PRDM11: variants seen among roughly 807,000 people sequenced by gnomAD.
The protein encoded by PRDM11 is PR/SET domain 11.
A neutral mutation model predicts 97.8 loss-of-function variants in PRDM11; 20 were observed. The ratio of observed to expected loss-of-function variants is 0.20; its 90% CI spans 0.14 to 0.30. PRDM11 has a LOEUF of 0.30. Among genes scored for constraint, PRDM11 ranks in the 10% least tolerant of loss-of-function variants. PRDM11 has a pLI of 1.00. For synonymous variants in PRDM11, 599 were observed against 637.7 expected (o/e 0.94, Z 0.91); for missense variants, 1,139 against 1,555.2 (o/e 0.73, Z 4.50).
chr11:45,216,543 C>T (rs1231974945), intron 5 of PRDM11, among the ~76,000 whole-genome samples: 1 of 152,192 alleles, frequency 6.6e-6, no homozygotes, highest in African/African-American at 2.4e-5. Flanking sequence ...TCAGAGGTAA[C>T]AGGTCTGGGG....
chr11:45,187,192 G>A (rs1420248456), intron 4 of PRDM11, among the ~76,000 whole-genome samples: 7 of 152,318 alleles, frequency 4.6e-5, no homozygotes, highest in Non-Finnish European at 7.3e-5. Context: ...CTTGGTGATC[G>A]CAGTGCTGCA....
At chr11:45,160,133 C>G (rs149060879) in intron 1 of PRDM11, among the ~76,000 whole-genome samples, 7 of 152,126 alleles carry the variant, frequency 4.6e-5, no homozygotes, top group Non-Finnish European at 7.4e-5. Context: ...CTGGGGCTCC[C>G]GAGGTTCAGA....
chr11:45,181,829 G>A lies in PRDM11; in HGVS notation c.63G>A (p.Thr21=), dbSNP rs137870483. Residue 21 remains threonine, a synonymous_variant, in exon 2 of 8, where the codon ACG becomes ACA. Coordinates refer to ENST00000683152, the MANE Select transcript of PRDM11 (RefSeq NM_001384648.1). ...ATGCAGCCGTGGGGGATATGGTGAC[G>A]GTGGTGAAGACGGAGGTCTGCTCAC... ...QTNAAVGDMV[T]VVKTEVCSPL... 28 of 1,613,596 alleles carry A rather than the reference G, an allele frequency of 1.7e-5. 1 individual carries two copies. Among genetic ancestry groups the A allele is most frequent in the Middle Eastern group, 3.3e-4 (2 of 6,062 alleles).
chr11:45,165,292 A>G (rs1852035102), intron 1 of PRDM11, among the ~76,000 whole-genome samples: 1 of 152,166 alleles, frequency 6.6e-6, no homozygotes, highest in South Asian at 2.1e-4. Context: ...GAAATCTCCA[A>G]CTGATGCCCT....
intron 1 of PRDM11, among the ~76,000 whole-genome samples, chr11:45,167,881 C>T (rs571896754): frequency 8.6e-5 from 13 of 152,020 alleles, no homozygotes; most frequent in South Asian, 2.1e-4. Context: ...ATGCATGCTT[C>T]GGGATGATGT....
In PRDM11 at chr11:45,099,550, C is replaced by T. The variant is rs561560212; in HGVS notation, c.96+3649C>T. ...TGAGGAAGCACCTGCCTTACACTGC[C>T]TTTTTTTTTTACTTTTTTTATTTTT... is the stretch of plus-strand genomic sequence containing the variant. On this transcript the variant is annotated intron_variant, in intron 1 of 6. Coordinates refer to the PRDM11 transcript ENST00000530656. Among the ~76,000 whole-genome samples the T allele has an allele frequency of 2.0e-5, 3 of 146,736 alleles. No individual in the cohort carries two copies. In the South Asian group the frequency reaches 6.6e-4, roughly 32 times the overall value.
intron 1 of PRDM11, among the ~76,000 whole-genome samples, chr11:45,170,362 C>A (rs796129449): frequency 1.4e-4 from 21 of 151,818 alleles, no homozygotes; most frequent in African/African-American, 4.8e-4. Flanking sequence ...AGAAAAAAAT[C>A]CAGCAAAGAA....
At chr11:45,167,342 A>G (rs143752643) in intron 1 of PRDM11, among the ~76,000 whole-genome samples, 227 of 152,202 alleles carry the variant, frequency 1.5e-3, no homozygotes, top group Admixed American at 4.4e-3. Context: ...TCATGGAAGA[A>G]CCCTAGGTCA....
intron 4 of PRDM11, among the ~76,000 whole-genome samples, chr11:45,183,480 G>C (rs1224468617): frequency 6.6e-6 from 1 of 152,222 alleles, no homozygotes; most frequent in Non-Finnish European, 1.5e-5. Flanking sequence ...TGGGGATGCA[G>C]AGCATGACTT....
chr11:45,173,636 A>T (rs1474953315), intron 1 of PRDM11, among the ~76,000 whole-genome samples: 1 of 151,940 alleles, frequency 6.6e-6, no homozygotes, highest in Non-Finnish European at 1.5e-5. Flanking sequence ...AAAAAAAAAA[A>T]AAAAAAGTTC....
At chr11:45,162,691 T>C (rs1193401755) in intron 1 of PRDM11, among the ~76,000 whole-genome samples, 2 of 152,134 alleles carry the variant, frequency 1.3e-5, no homozygotes, top group East Asian at 1.9e-4. Context: ...CAAGATCATA[T>C]TGGAGGAAGC....
chr11:45,145,078 A>T (rs1851477692), upstream of PRDM11, among the ~76,000 whole-genome samples: 1 of 151,780 alleles, frequency 6.6e-6, no homozygotes, highest in Non-Finnish European at 1.5e-5. Flanking sequence ...TCATATAACG[A>T]TAGGGTTGTT....
chr11:45,097,632 C>T (rs1851906738), intron 1 of PRDM11, among the ~76,000 whole-genome samples: 3 of 152,210 alleles, frequency 2.0e-5, no homozygotes, highest in African/African-American at 7.2e-5. Context: ...TTTTCACTAC[C>T]ATTTTTTCTG....
At chr11:45,197,069 G>A (rs1370532252) in intron 4 of PRDM11, among the ~76,000 whole-genome samples, 1 of 152,168 alleles carries the variant, frequency 6.6e-6, no homozygotes, top group Admixed American at 6.5e-5. Context: ...AATGGTTGAG[G>A]GTGGGAGGTG....
intron 1 of PRDM11, among the ~76,000 whole-genome samples, chr11:45,096,209 G>T (rs922877502): frequency 2.6e-5 from 4 of 152,182 alleles, no homozygotes; most frequent in Non-Finnish European, 4.4e-5. Context: ...CATGTTCACT[G>T]CCAGATCACT....
intron 4 of PRDM11, among the ~76,000 whole-genome samples, chr11:45,202,165 T>C (rs1474580152): frequency 6.6e-6 from 1 of 152,216 alleles, no homozygotes; most frequent in Non-Finnish European, 1.5e-5. Flanking sequence ...CATCATTCTT[T>C]CATTCAACCA....
intron 1 of PRDM11, among the ~76,000 whole-genome samples, chr11:45,130,679 T>C (rs1367986524): frequency 2.6e-5 from 4 of 152,186 alleles, no homozygotes; most frequent in Non-Finnish European, 5.9e-5. Context: ...CACCAAATTT[T>C]GATATTTACA....
At chr11:45,183,552 A>G (rs1437133624) in intron 4 of PRDM11, among the ~76,000 whole-genome samples, 1 of 152,214 alleles carries the variant, frequency 6.6e-6, no homozygotes, top group African/African-American at 2.4e-5. Flanking sequence ...CCCTTCAACA[A>G]GACAGACATG....
At chr11:45,172,671 T>C (rs1407020757) in intron 1 of PRDM11, among the ~76,000 whole-genome samples, 1 of 152,192 alleles carries the variant, frequency 6.6e-6, no homozygotes, top group African/African-American at 2.4e-5. Flanking sequence ...AACGATACAG[T>C]ATAGCAGTGA....
Sources: gnomAD v4.1 joint callset for allele counts (sites outside exome capture counted in the v4.1 genomes callset) on GRCh38, gnomAD v4.1.1 for gene constraint, MANE v1.5 for transcripts, NCBI Gene and HGNC (gene_info 2026-07-23, HGNC 2026-07-21) for gene names.